Variants in DOCK8 observed in about 807,000 individuals in gnomAD.
DOCK8 encodes the protein dedicator of cytokinesis 8, also known as dedicator of cytokinesis protein 8.
DOCK8 carries 141 observed loss-of-function variants against 245.6 expected under a neutral mutation model. That is an observed-to-expected ratio of 0.57 (90% confidence interval 0.50 to 0.66). DOCK8 has a LOEUF of 0.66. Among genes scored for constraint, DOCK8 ranks in the 30% least tolerant of loss-of-function variants. The pLI is 0.00. For missense variants in DOCK8, 2,965 were observed against 2,603.4 expected (o/e 1.14, Z -3.02); for synonymous variants, 1,168 against 970.2 (o/e 1.20, Z -3.79).
rs542866155 is a variant in DOCK8 at position 447,977 on chromosome 9, G to A, written c.5817+1371G>A. On this transcript the variant is annotated intron_variant, in intron 44 of 47. Coordinates refer to ENST00000432829, the MANE Select transcript of DOCK8 (RefSeq NM_203447.4). ...ACTGAGACATTCTAGGCATAACACA[G>A]ATATAAACTCATGGTGCCCAAAAGC... 5.3e-5 allele frequency among the ~76,000 whole-genome samples: 8 copies of A among 152,302 alleles called. No homozygotes were observed. In the South Asian group the frequency reaches 1.7e-3, roughly 32 times the overall value.
intron 5 of DOCK8, among the ~76,000 whole-genome samples, chr9:311,157 C>T (rs891627247): frequency 3.3e-5 from 5 of 151,962 alleles, no homozygotes; most frequent in Non-Finnish European, 7.4e-5. Context: ...TAGTGGCGGA[C>T]GCCTGTAGTC....
chr9:328,719 T>G (rs1586712123), intron 9 of DOCK8, among the ~76,000 whole-genome samples: 1 of 150,944 alleles, frequency 6.6e-6, no homozygotes. Flanking sequence ...TCAAGTTTCA[T>G]CCTCCTTTTT....
intron 26 of DOCK8, among the ~76,000 whole-genome samples, chr9:400,857 C>T (rs867781264): frequency 1.9e-5 from 2 of 103,556 alleles, no homozygotes; most frequent in African/African-American, 4.4e-5. Context: ...ACCATCACCA[C>T]CTCCTCCACC....
At chr9:341,204 T>C (rs757080800) in intron 14 of DOCK8, among the ~76,000 whole-genome samples, 1 of 152,106 alleles carries the variant, frequency 6.6e-6, no homozygotes, top group Non-Finnish European at 1.5e-5. Context: ...TAATTTAAAG[T>C]CAAGTAACTG....
intron 24 of DOCK8, among the ~76,000 whole-genome samples, chr9:392,670 C>T (rs79615922): frequency 6.6e-6 from 1 of 151,402 alleles, no homozygotes; most frequent in East Asian, 1.9e-4. Context: ...ATTTTTTTTT[C>T]ATTCCAAAAG....
At chr9:409,070 C>G (rs1169156783) in intron 28 of DOCK8, among the ~76,000 whole-genome samples, 1 of 152,098 alleles carries the variant, frequency 6.6e-6, no homozygotes, top group Non-Finnish European at 1.5e-5. Flanking sequence ...AGAAAAATGT[C>G]ATGCTTCAAC....
At chr9:354,189 A>C (rs1377298238) in intron 14 of DOCK8, among the ~76,000 whole-genome samples, 1 of 152,092 alleles carries the variant, frequency 6.6e-6, no homozygotes, top group Non-Finnish European at 1.5e-5. Context: ...AAACTTAGCC[A>C]GCCGTGGTGA....
At position 449,740 on chromosome 9, in the gene DOCK8, T is replaced by C. The variant is rs752014648; in HGVS notation, c.5818-44T>C. On this transcript the variant is annotated intron_variant, in intron 44 of 47. Transcript: ENST00000432829. ...TAGCTCCAGGCTTGTCCATAGCTTA[T>C]GAGACCAGACAGTGACTTCCCTATG... 7.4e-6 allele frequency: 12 copies of C among 1,611,702 alleles called. No individual in the cohort carries two copies. The East Asian group carries it at 2.7e-4, about 36-fold the overall frequency.
At chr9:240,575 A>G (rs543901097) in intron 1 of DOCK8, among the ~76,000 whole-genome samples, 2 of 152,300 alleles carry the variant, frequency 1.3e-5, no homozygotes, top group Admixed American at 6.5e-5. Flanking sequence ...CTATTAATGT[A>G]TTATGGACAA....
intron 14 of DOCK8, among the ~76,000 whole-genome samples, chr9:356,373 A>G (rs2052445053): frequency 6.6e-6 from 1 of 150,474 alleles, no homozygotes; most frequent in African/African-American, 2.5e-5. Context: ...CTAAAAATAC[A>G]AAAAAAACTA....
upstream of DOCK8, chr9:214,517 C>A (rs145642597): frequency 4.2e-4 from 671 of 1,613,148 alleles, 4 homozygotes; most frequent in South Asian, 1.8e-3. Flanking sequence ...CCTTACGAAT[C>A]CCTGGGGTGA....
intron 20 of DOCK8, 62 bp from the exon 21 acceptor site, chr9:379,709 T>C (rs1321773662): frequency 1.3e-6 from 2 of 1,585,292 alleles, no homozygotes; most frequent in African/African-American, 2.7e-5. Flanking sequence ...CTGGAGAAAC[T>C]TCCACCTCAG....
chr9:326,280 A>G (rs2050764947), intron 8 of DOCK8, among the ~76,000 whole-genome samples: 1 of 152,216 alleles, frequency 6.6e-6, no homozygotes, highest in South Asian at 2.1e-4. Context: ...TAGGATGGAC[A>G]CTTCTGCCCT....
chr9:450,258 G>A (rs2057385957), intron 45 of DOCK8, among the ~76,000 whole-genome samples: 1 of 152,148 alleles, frequency 6.6e-6, no homozygotes, highest in South Asian at 2.1e-4. Flanking sequence ...GCTTAGTCAT[G>A]ACCAATTCAC....
chr9:389,751 C>A (rs1047520073), intron 23 of DOCK8, among the ~76,000 whole-genome samples: 7 of 152,194 alleles, frequency 4.6e-5, no homozygotes, highest in South Asian at 2.1e-4. Context: ...CGTAGTGGCT[C>A]ACACCCGTAA....
At chr9:287,521 TGA>T (rs929736626) in intron 3 of DOCK8, among the ~76,000 whole-genome samples, 1 of 152,228 alleles carries the variant, frequency 6.6e-6, no homozygotes, top group Non-Finnish European at 1.5e-5. Flanking sequence ...CTCTTTACTC[TGA>T]GATATTCTAG....
At chr9:284,872 A>G (rs955076696) in intron 2 of DOCK8, among the ~76,000 whole-genome samples, 2 of 152,244 alleles carry the variant, frequency 1.3e-5, no homozygotes, top group Admixed American at 1.3e-4. Context: ...GTTCTCACTT[A>G]TAAGTGGGAG....
At chr9:290,062 A>G (rs903234279) in intron 4 of DOCK8, among the ~76,000 whole-genome samples, 1 of 151,474 alleles carries the variant, frequency 6.6e-6, no homozygotes, top group Non-Finnish European at 1.5e-5. Context: ...TTGATAGCTC[A>G]TTTTTTTTAT....
At position 215,173 on chromosome 9, in the gene DOCK8, C is replaced by G. The variant is rs201997775; in HGVS notation, c.53+144C>G. On this transcript the variant is annotated intron_variant, in intron 1 of 47. Transcript: ENST00000432829. Reference sequence around the variant, plus strand: ...CCTGAGACCTGGGGCGCCCGGTTCCCGAGGCTGCGGCGGTGGAGCCGCTGG... The same window carrying G: ...CCTGAGACCTGGGGCGCCCGGTTCCGGAGGCTGCGGCGGTGGAGCCGCTGG... 7.0e-4 allele frequency: 1,052 copies of G among 1,505,524 alleles called. 5 individuals carry two copies. The African/African-American group carries it at 0.013, about 18-fold the overall frequency. The allele number at this position is 1,505,524 out of a possible 1,614,324, so 93.3% of individuals were successfully genotyped here.
Sources: allele counts gnomAD v4.1 joint callset (sites outside exome capture counted in the v4.1 genomes callset), GRCh38; gene constraint gnomAD v4.1.1; transcripts MANE v1.5; gene names NCBI Gene and HGNC (gene_info 2026-07-23, HGNC 2026-07-21).